The following CACNA1D variants were observed in gnomAD, a reference collection of about 807,000 sequenced individuals.
CACNA1D encodes calcium voltage-gated channel subunit alpha1 D.
CACNA1D carries 55 observed loss-of-function variants against 257.1 expected under a neutral mutation model. The ratio of observed to expected loss-of-function variants is 0.21; its 90% CI spans 0.17 to 0.27. The LOEUF (loss-of-function observed/expected upper bound fraction) is 0.27. Ranked by LOEUF, CACNA1D falls within the 10% of genes least tolerant of loss-of-function variation. The pLI, the probability that CACNA1D is intolerant of heterozygous loss-of-function variation, is 1.00. For synonymous variants in CACNA1D, 980 were observed against 1,014.9 expected, an observed-to-expected ratio of 0.97 and a Z score of 0.65; for missense variants, 1,876 against 2,784.0, an observed-to-expected ratio of 0.67 and a Z score of 7.34.
Position 53,781,498 on chromosome 3 carries a change from T to G in CACNA1D, c.4691-68T>G, listed in dbSNP as rs1030463560. 1.1e-5 allele frequency: 11 copies of G among 1,040,304 alleles called. No individual in the cohort carries two copies. In the African/African-American group the frequency reaches 1.7e-4, roughly 16 times the overall value. The allele number at this position is 1,040,304 out of a possible 1,614,324, so 64.4% of individuals were successfully genotyped here. ...TCCAGGTCAGGCTGGGACAAGGCTG[T>G]GCAAGCAGAGGAGGAGCTGGGGAAC... On this transcript the variant is annotated intron_variant, in intron 38 of 47. Coordinates refer to ENST00000350061, the MANE Select transcript of CACNA1D (RefSeq NM_001128840.3).
chr3:53,617,322 G>A (rs898033496), intron 3 of CACNA1D, among the ~76,000 whole-genome samples: 2 of 152,162 alleles, frequency 1.3e-5, no homozygotes, highest in African/African-American at 4.8e-5. Context: ...GGGGAGGCAG[G>A]AGGAGGTAGG....
At chr3:53,668,617 A>T (rs948849206) in intron 7 of CACNA1D, among the ~76,000 whole-genome samples, 1 of 152,144 alleles carries the variant, frequency 6.6e-6, no homozygotes, top group Non-Finnish European at 1.5e-5. Flanking sequence ...ACCATGGAAC[A>T]TTCCCCGAGT....
intron 3 of CACNA1D, among the ~76,000 whole-genome samples, chr3:53,526,694 G>A (rs1174287589): frequency 6.6e-6 from 1 of 152,170 alleles, no homozygotes; most frequent in Non-Finnish European, 1.5e-5. Flanking sequence ...GTGGAGAATT[G>A]TACCAACTTT....
At chr3:53,505,667 G>A (rs1191916663) in intron 3 of CACNA1D, among the ~76,000 whole-genome samples, 1 of 152,178 alleles carries the variant, frequency 6.6e-6, no homozygotes, top group Admixed American at 6.5e-5. Flanking sequence ...GGGAATGAGT[G>A]GGAAGGTGTA....
chr3:53,744,969 G>T, intron 23 of CACNA1D, 142 bp downstream of exon 23: 1 of 632,914 alleles, frequency 1.6e-6, no homozygotes, highest in South Asian at 1.9e-5. Context: ...TCAGCCACCT[G>T]TGCCAAGTGC....
At chr3:53,566,551 C>T (rs1384828829) in intron 3 of CACNA1D, among the ~76,000 whole-genome samples, 1 of 152,134 alleles carries the variant, frequency 6.6e-6, no homozygotes, top group Admixed American at 6.5e-5. Flanking sequence ...CCTCGCTTCC[C>T]CTCCCCACAC....
intron 46 of CACNA1D, 98 bp downstream of exon 46, chr3:53,808,868 G>A: frequency 7.9e-7 from 1 of 1,269,716 alleles, no homozygotes. Context: ...GCACCAGGAG[G>A]GAAGGAGAGA....
intron 6 of CACNA1D, among the ~76,000 whole-genome samples, chr3:53,666,020 G>A (rs2094258413): frequency 6.6e-6 from 1 of 152,106 alleles, no homozygotes; most frequent in Non-Finnish European, 1.5e-5. Context: ...CCTGTGTAAT[G>A]TGTCCTGGCA....
chr3:53,751,234 C>T lies in CACNA1D; in HGVS notation c.3517-515C>T, dbSNP rs1466442559. ...TCATGTGGTTCCAACTGGGAGCATC[C>T]AGGAGGCTACTAGTCTTGGGGAATG... On this transcript the variant is annotated intron_variant, in intron 27 of 47. Coordinates refer to ENST00000350061, the MANE Select transcript of CACNA1D (RefSeq NM_001128840.3). This position sits in a 1 kb window ranked among gnomAD's most constrained non-coding sequence, Gnocchi z 4.3. Among the ~76,000 whole-genome samples the T allele has an allele frequency of 6.6e-6, 1 of 152,212 alleles. No individual in the cohort carries two copies. The highest frequency in any genetic ancestry group is 1.5e-5 in the Non-Finnish European group (1 of 68,038).
rs753793203 is a variant in CACNA1D at position 53,732,006 on chromosome 3, GT to G, written c.2407-9del. ...TCTCCCCTCCTCCCAAGATGTCTTTGTCATCCTAGGTTACAATTGATGACTA... is the reference window on the plus strand; with the variant it reads ...TCTCCCCTCCTCCCAAGATGTCTTTGCATCCTAGGTTACAATTGATGACTA... On this transcript the variant is annotated splice_polypyrimidine_tract_variant and intron_variant, in intron 17 of 47. Transcript: ENST00000350061. 2.6e-5 allele frequency: 42 copies of G among 1,587,948 alleles called. No homozygotes were observed. The highest frequency in any genetic ancestry group is 3.3e-5 in the Non-Finnish European group (38 of 1,156,120).
intron 3 of CACNA1D, among the ~76,000 whole-genome samples, chr3:53,555,461 T>TGTGTG (rs533515957): frequency 1.5e-3 from 144 of 99,258 alleles, no homozygotes; most frequent in African/African-American, 6.6e-3. Flanking sequence ...TGTGTGTGTG[T>TGTGTG]TTTTTTTTTT....
chr3:53,564,998 G>A (rs376888264), intron 3 of CACNA1D, among the ~76,000 whole-genome samples: 1 of 152,074 alleles, frequency 6.6e-6, no homozygotes, highest in African/African-American at 2.4e-5. Flanking sequence ...TTTTGTGTGT[G>A]GTATGAGGTA....
chr3:53,560,517 C>G (rs2092719095), intron 3 of CACNA1D, among the ~76,000 whole-genome samples: 1 of 152,072 alleles, frequency 6.6e-6, no homozygotes, highest in African/African-American at 2.4e-5. Flanking sequence ...ATAAAATAAG[C>G]TTAAATTTTC....
intron 8 of CACNA1D, among the ~76,000 whole-genome samples, chr3:53,686,787 T>C (rs781162136): frequency 2.6e-5 from 4 of 152,064 alleles, no homozygotes; most frequent in Non-Finnish European, 4.4e-5. Context: ...TTCAATGTTT[T>C]ATTGAAAGTC....
Position 53,563,525 on chromosome 3 carries a change from C to T in CACNA1D, c.483+61805C>T, listed in dbSNP as rs569139169. ...GGTGACAGCCTGGGTGAGGGCGAGA[C>T]TCTGTCTCAAAAAAAAAAAAAAAAA... is the stretch of plus-strand genomic sequence containing the variant. On this transcript the variant is annotated intron_variant, in intron 3 of 47. Transcript: ENST00000350061. Among the ~76,000 whole-genome samples the T allele has an allele frequency of 5.1e-3, 578 of 114,330 alleles. 2 individuals are homozygous for T. The highest frequency in any genetic ancestry group is 7.9e-3 in the Non-Finnish European group (435 of 55,272). The allele number at this position is 114,330 out of a possible 152,430, so 75.0% of individuals were successfully genotyped here.
At chr3:53,568,780 C>A (rs2107677233) in intron 3 of CACNA1D, among the ~76,000 whole-genome samples, 1 of 152,332 alleles carries the variant, frequency 6.6e-6, no homozygotes, top group East Asian at 1.9e-4. Flanking sequence ...TACCCCATTT[C>A]TCTTTTCCTG....
chr3:53,597,675 C>G (rs778739179), intron 3 of CACNA1D, among the ~76,000 whole-genome samples: 1 of 152,074 alleles, frequency 6.6e-6, no homozygotes, highest in African/African-American at 2.4e-5. Context: ...GGGAATGAGA[C>G]GAGGAACACA....
intron 9 of CACNA1D, among the ~76,000 whole-genome samples, chr3:53,714,862 T>C (rs1427329224): frequency 1.3e-5 from 2 of 152,216 alleles, no homozygotes; most frequent in South Asian, 2.1e-4. Flanking sequence ...CTTTTCTTTA[T>C]TTTTTAAAAA....
At chr3:53,711,848 G>A (rs2094760188) in intron 9 of CACNA1D, among the ~76,000 whole-genome samples, 1 of 152,208 alleles carries the variant, frequency 6.6e-6, no homozygotes. Context: ...CCCAAAGGAG[G>A]GAGAAGAGGA....
Sources: gnomAD v4.1 joint callset for allele counts (sites outside exome capture counted in the v4.1 genomes callset) on GRCh38, gnomAD v4.1.1 for gene constraint, Gnocchi (gnomAD v3.1) non-coding constraint, MANE v1.5 for transcripts, NCBI Gene and HGNC (gene_info 2026-07-23, HGNC 2026-07-21) for gene names.